Variants in PALLD observed in about 807,000 individuals in gnomAD.
PALLD encodes the protein palladin.
A neutral mutation model predicts 123.5 loss-of-function variants in PALLD; 61 were observed. The observed-to-expected ratio is 0.49, with a 90% CI of 0.40 to 0.61. The LOEUF (loss-of-function observed/expected upper bound fraction) is 0.61. Ranked by LOEUF, PALLD falls within the 20% of genes least tolerant of loss-of-function variation. The probability of loss-of-function intolerance (pLI) is 0.00; values close to 1 mark genes in which losing one functional copy is unlikely to be tolerated. For missense variants in PALLD, 1,273 were observed against 1,377.0 expected, an observed-to-expected ratio of 0.92 and a Z score of 1.20; for synonymous variants, 465 against 496.4, an observed-to-expected ratio of 0.94 and a Z score of 0.84.
At chr4:168,561,641 C>T (rs558163736) in intron 2 of PALLD, among the ~76,000 whole-genome samples, 4 of 152,314 alleles carry the variant, frequency 2.6e-5, no homozygotes, top group African/African-American at 9.6e-5. Context: ...TATTCATACG[C>T]TTTTTTCTTA....
intron 2 of PALLD, among the ~76,000 whole-genome samples, chr4:168,600,365 C>G (rs1772516803): frequency 6.6e-6 from 1 of 152,122 alleles, no homozygotes; most frequent in South Asian, 2.1e-4. Flanking sequence ...CTATTCCTCT[C>G]CCCCTTTTAA....
chr4:168,807,032 G>A (rs759614145), intron 10 of PALLD, among the ~76,000 whole-genome samples: 9 of 152,198 alleles, frequency 5.9e-5, no homozygotes, highest in Non-Finnish European at 8.8e-5. Flanking sequence ...CGGACTCCAC[G>A]GTGCCTAACC....
chr4:168,548,488 T>C (rs1419579316), intron 2 of PALLD, among the ~76,000 whole-genome samples: 2 of 152,206 alleles, frequency 1.3e-5, no homozygotes, highest in Non-Finnish European at 2.9e-5. Flanking sequence ...TTCTTCCCAA[T>C]GACTAGTTAA....
chr4:168,772,821 C>A (rs1734634202), intron 10 of PALLD, among the ~76,000 whole-genome samples: 1 of 151,100 alleles, frequency 6.6e-6, no homozygotes, highest in African/African-American at 2.4e-5. Flanking sequence ...AAGTCCCATG[C>A]CAAAAAAAGA....
At chr4:168,819,327 T>TTGTGTG (rs3046003) in intron 10 of PALLD, among the ~76,000 whole-genome samples, 83 of 148,942 alleles carry the variant, frequency 5.6e-4, no homozygotes, top group Admixed American at 2.4e-3. Context: ...CCGAGACCAT[T>TTGTGTG]TGTGTGTGTG....
At chr4:168,578,542 T>C (rs1459463142) in intron 2 of PALLD, among the ~76,000 whole-genome samples, 1 of 152,116 alleles carries the variant, frequency 6.6e-6, no homozygotes, top group Non-Finnish European at 1.5e-5. Context: ...TCCCCAGCTG[T>C]GCTGAATGTG....
At chr4:168,902,998 A>G (rs1030890485) in intron 14 of PALLD, among the ~76,000 whole-genome samples, 3 of 152,090 alleles carry the variant, frequency 2.0e-5, no homozygotes, top group Non-Finnish European at 4.4e-5. Context: ...CCTGGGCTTG[A>G]GCAATCCTCC....
intron 2 of PALLD, among the ~76,000 whole-genome samples, chr4:168,544,934 C>G (rs552069064): frequency 4.6e-5 from 7 of 152,270 alleles, no homozygotes; most frequent in African/African-American, 1.4e-4. Context: ...ACACCATACA[C>G]GTGCCTATAT....
At chr4:168,507,878 A>C (rs1165494997) in intron 1 of PALLD, among the ~76,000 whole-genome samples, 8 of 152,162 alleles carry the variant, frequency 5.3e-5, no homozygotes, top group African/African-American at 1.9e-4. Flanking sequence ...TGAAATGCTT[A>C]GTAGAATTAC....
intron 2 of PALLD, among the ~76,000 whole-genome samples, chr4:168,600,034 C>CATGTGTGTACACACACAT (rs1561291030): frequency 1.4e-5 from 2 of 147,584 alleles, no homozygotes; most frequent in Non-Finnish European, 1.5e-5. Context: ...CACACACATA[C>CATGTGTGTACACACACAT]ATACATGTGT....
At chr4:168,504,762 G>A (rs543184639) in intron 1 of PALLD, 1 of 152,330 alleles carries the variant, frequency 6.6e-6, no homozygotes, top group Non-Finnish European at 1.5e-5. Flanking sequence ...GGAGGCAGGG[G>A]ACAGGACAAT....
At chr4:168,693,227 G>T in intron 8 of PALLD, among the ~76,000 whole-genome samples, 1 of 150,950 alleles carries the variant, frequency 6.6e-6, no homozygotes, top group Non-Finnish European at 1.5e-5. Context: ...CCTGCGCCCT[G>T]CATCTTCATC....
At chr4:168,591,922 A>G (rs1771473591) in intron 2 of PALLD, among the ~76,000 whole-genome samples, 1 of 152,180 alleles carries the variant, frequency 6.6e-6, no homozygotes, top group East Asian at 1.9e-4. Flanking sequence ...TATCCTAAAA[A>G]GTCACTTGGG....
At chr4:168,770,281 G>A (rs563476593) in intron 10 of PALLD, among the ~76,000 whole-genome samples, 5 of 152,308 alleles carry the variant, frequency 3.3e-5, no homozygotes, top group African/African-American at 9.6e-5. Flanking sequence ...GATTGCTGGC[G>A]AGAATAGAAA....
intron 10 of PALLD, among the ~76,000 whole-genome samples, chr4:168,842,220 T>TA (rs1254514357): frequency 1.3e-5 from 2 of 152,182 alleles, no homozygotes; most frequent in Non-Finnish European, 2.9e-5. Flanking sequence ...TCTTTAAAGT[T>TA]AAAAAAAGAA....
In PALLD at chr4:168,543,352, A is replaced by G. The variant is rs1343350951; in HGVS notation, c.908+30940A>G. On this transcript the variant is annotated intron_variant, in intron 2 of 21. Coordinates refer to ENST00000505667, the MANE Select transcript of PALLD (RefSeq NM_001166108.2). ...TTTTTTTGGCATCTTCCCTCTCCAC[A>G]TAATCTCGTCTCAACTGCAGGGACT... Among the ~76,000 whole-genome samples, 3 of 150,768 alleles carry G rather than the reference A, an allele frequency of 2.0e-5. No individual in the cohort carries two copies. The Admixed American group carries it at 2.0e-4, about 10-fold the overall frequency.
chr4:168,603,033 G>A (rs1772829074), intron 2 of PALLD, among the ~76,000 whole-genome samples: 1 of 152,162 alleles, frequency 6.6e-6, no homozygotes, highest in South Asian at 2.1e-4. Context: ...CTCCCAAAGT[G>A]CTGGGATTAT....
intron 2 of PALLD, among the ~76,000 whole-genome samples, chr4:168,647,377 A>G (rs2149896178): frequency 6.6e-6 from 1 of 152,306 alleles, no homozygotes; most frequent in South Asian, 2.1e-4. Flanking sequence ...AGAGATCAGG[A>G]TTAATTATTA....
intron 2 of PALLD, among the ~76,000 whole-genome samples, chr4:168,602,760 A>G (rs965854341): frequency 2.6e-5 from 4 of 152,110 alleles, no homozygotes. Flanking sequence ...GAAACATACC[A>G]ACTTGAATAT....
Sources: allele counts gnomAD v4.1 joint callset (sites outside exome capture counted in the v4.1 genomes callset), GRCh38; gene constraint gnomAD v4.1.1; transcripts MANE v1.5; gene names NCBI Gene and HGNC (gene_info 2026-07-23, HGNC 2026-07-21).